Variants in PCNX2 observed in about 807,000 individuals in gnomAD.
PCNX2 encodes the protein pecanex 2.
Under a neutral mutation model 223.8 loss-of-function variants are expected in PCNX2, and 168 were observed. That is an observed-to-expected ratio of 0.75 (90% CI 0.66 to 0.85). PCNX2 has a LOEUF of 0.85. Ranked by LOEUF, PCNX2 falls within the 40% of genes least tolerant of loss-of-function variation. The probability of loss-of-function intolerance (pLI) is 0.00; values close to 1 mark genes in which losing one functional copy is unlikely to be tolerated. For synonymous variants in PCNX2, 1,006 were observed against 1,052.6 expected (o/e 0.96, Z 0.86); for missense variants, 2,507 against 2,675.5 (o/e 0.94, Z 1.39).
intron 21 of PCNX2, among the ~76,000 whole-genome samples, chr1:233,107,821 G>A (rs1174760398): frequency 6.6e-6 from 1 of 152,204 alleles, no homozygotes; most frequent in African/African-American, 2.4e-5. Flanking sequence ...AACCTACTGG[G>A]CTGCATTCCC....
intron 25 of PCNX2, 179 bp from the exon 26 acceptor site, chr1:233,025,578 T>G: frequency 1.4e-6 from 1 of 729,752 alleles, no homozygotes; most frequent in Non-Finnish European, 2.2e-6. Flanking sequence ...AATCATGAAC[T>G]CTTTTATTCA....
At chr1:233,055,899 G>A (rs1188594365) in intron 24 of PCNX2, among the ~76,000 whole-genome samples, 1 of 152,146 alleles carries the variant, frequency 6.6e-6, no homozygotes, top group East Asian at 1.9e-4. Context: ...AGAAGGTGAA[G>A]ATGCCCCAAG....
intron 18 of PCNX2, 76 bp downstream of exon 18, chr1:233,161,195 C>T: frequency 7.4e-7 from 1 of 1,358,110 alleles, no homozygotes; most frequent in East Asian, 2.4e-5. Context: ...CTTGTCAATA[C>T]CCTGTAGCTC....
chr1:233,161,619 T>C (rs1225768204), intron 17 of PCNX2, among the ~76,000 whole-genome samples: 1 of 152,072 alleles, frequency 6.6e-6, no homozygotes, highest in Non-Finnish European at 1.5e-5. Context: ...AGTGTCTGGG[T>C]GCTAACCATA....
intron 19 of PCNX2, among the ~76,000 whole-genome samples, chr1:233,153,172 A>C (rs1436128657): frequency 2.0e-5 from 3 of 152,226 alleles, no homozygotes; most frequent in Non-Finnish European, 4.4e-5. Flanking sequence ...TACACACTAC[A>C]AACTATCTGA....
chr1:233,103,060 T>G (rs1019037385), intron 21 of PCNX2, among the ~76,000 whole-genome samples: 1 of 152,166 alleles, frequency 6.6e-6, no homozygotes, highest in Non-Finnish European at 1.5e-5. Flanking sequence ...TGGTGAGAGA[T>G]AGGATGAAAC....
rs539854242 is a variant in PCNX2, at chr1:233,053,884, T to C, written c.4351+384A>G. ...GAAAGAAAAGCTCTAAGACCTTAAA[T>C]GATTTGCACGCAACAGATCCCAACA... On this transcript the variant is annotated intron_variant, in intron 25 of 33. Transcript: ENST00000258229. Among the ~76,000 whole-genome samples, 14 of 152,288 alleles carry C rather than the reference T, an allele frequency of 9.2e-5. No individual in the cohort carries two copies. In the South Asian group the frequency reaches 2.9e-3, roughly 32 times the overall value.
rs562004238 is a variant in PCNX2 at position 232,988,112 on chromosome 1, G to T, written c.5792-1572C>A. Among the ~76,000 whole-genome samples, 4 of 152,336 alleles carry T rather than the reference G, an allele frequency of 2.6e-5. No individual in the cohort carries two copies. The East Asian group carries it at 7.7e-4, about 29-fold the overall frequency. On this transcript the variant is annotated intron_variant, in intron 32 of 33. Coordinates refer to ENST00000258229, the MANE Select transcript of PCNX2 (RefSeq NM_014801.4). Reference sequence around the variant, plus strand: ...AGGAGAGGAGGAAAGGGACCCTGATGAATCAGAATGAAAAATAAGGAGGGC... The same window carrying T: ...AGGAGAGGAGGAAAGGGACCCTGATTAATCAGAATGAAAAATAAGGAGGGC...
upstream of PCNX2, among the ~76,000 whole-genome samples, chr1:233,299,815 G>C (rs902730389): frequency 2.6e-5 from 4 of 152,190 alleles, no homozygotes; most frequent in African/African-American, 4.8e-5. Flanking sequence ...GGAAAATGTA[G>C]TTACCTATAA....
At chr1:233,017,258 T>A in intron 26 of PCNX2, 104 bp from the exon 27 acceptor site, 1 of 720,392 alleles carries the variant, frequency 1.4e-6, no homozygotes. Context: ...GTGGTATCAT[T>A]TGTATGTTCT....
chr1:233,139,686 T>C lies in PCNX2; in HGVS notation c.3659+28A>G. On this transcript the variant is annotated intron_variant, in intron 20 of 33. Coordinates refer to ENST00000258229, the MANE Select transcript of PCNX2 (RefSeq NM_014801.4). This position sits in a 1 kb window ranked among gnomAD's most constrained non-coding sequence, Gnocchi z 4.4. Reference sequence around the variant, plus strand: ...GATTTTGAAAATGTGACCCAAATCATTATGAAGATAAACCATTAACCACTT... The same window carrying C: ...GATTTTGAAAATGTGACCCAAATCACTATGAAGATAAACCATTAACCACTT... 6.4e-7 allele frequency: 1 copy of C among 1,560,238 alleles called. No individual in the cohort carries two copies. The highest frequency in any genetic ancestry group is 1.9e-4 in the Middle Eastern group (1 of 5,166).
intron 7 of PCNX2, among the ~76,000 whole-genome samples, chr1:233,251,686 C>A (rs1427246027): frequency 6.6e-6 from 1 of 152,228 alleles, no homozygotes; most frequent in Admixed American, 6.5e-5. Context: ...CTACTGAACT[C>A]CAGATAAAGT....
chr1:233,236,802 G>C, intron 9 of PCNX2, 43 bp downstream of exon 9: 1 of 1,597,786 alleles, frequency 6.3e-7, no homozygotes, highest in Non-Finnish European at 8.5e-7. Context: ...AAGATCCCCT[G>C]TTTCCAGAAC....
At chr1:233,318,563 CTTT>C in the PCNX2 span, among the ~76,000 whole-genome samples, 1 of 92,496 alleles carries the variant, frequency 1.1e-5, no homozygotes, top group Non-Finnish European at 2.1e-5. Context: ...TTTTCTTTTT[CTTT>C]TTTTTTTTTT....
chr1:233,136,012 A>G (rs993943787), intron 20 of PCNX2, among the ~76,000 whole-genome samples: 3 of 152,220 alleles, frequency 2.0e-5, no homozygotes, highest in Non-Finnish European at 4.4e-5. Flanking sequence ...TGTCATGTGT[A>G]CAATTCTCCA....
intron 21 of PCNX2, chr1:233,112,710 TGAACA>T: frequency 1.6e-6 from 1 of 619,418 alleles, no homozygotes; most frequent in South Asian, 3.8e-5. Context: ...TGTAGATCTT[TGAACA>T]ATATAACTAA....
intron 13 of PCNX2, among the ~76,000 whole-genome samples, chr1:233,204,508 AT>A (rs1484002998): frequency 6.6e-6 from 1 of 152,144 alleles, no homozygotes; most frequent in East Asian, 1.9e-4. Context: ...GTTCCTCCAT[AT>A]AGCAATGGCA....
intron 21 of PCNX2, among the ~76,000 whole-genome samples, chr1:233,127,212 A>G (rs1236482953): frequency 6.6e-6 from 1 of 152,146 alleles, no homozygotes. Flanking sequence ...CAAACTCTGT[A>G]GCACGGCACG....
intron 15 of PCNX2, among the ~76,000 whole-genome samples, chr1:233,185,146 G>A (rs1680023841): frequency 6.7e-6 from 1 of 150,054 alleles, no homozygotes; most frequent in South Asian, 2.1e-4. Context: ...TCAGATTGGA[G>A]GTTGATTTCT....
Sources: gnomAD v4.1 joint callset for allele counts (sites outside exome capture counted in the v4.1 genomes callset) on GRCh38, gnomAD v4.1.1 for gene constraint, Gnocchi (gnomAD v3.1) non-coding constraint, MANE v1.5 for transcripts, NCBI Gene and HGNC (gene_info 2026-07-23, HGNC 2026-07-21) for gene names.